Variants in LRRC28 observed in about 807,000 individuals in gnomAD.
LRRC28 encodes the protein leucine rich repeat containing 28.
In LRRC28, 39 loss-of-function variants were observed where a neutral mutation model predicts 45.7. The ratio of observed to expected loss-of-function variants is 0.85; its 90% CI spans 0.66 to 1.12. The LOEUF (loss-of-function observed/expected upper bound fraction) is 1.12. Among genes scored for constraint, LRRC28 ranks in the 50% most tolerant of loss-of-function variants. The pLI is 0.00. For synonymous variants in LRRC28, 206 were observed against 178.8 expected (o/e 1.15, Z -1.22); for missense variants, 435 against 438.5 (o/e 0.99, Z 0.07).
chr15:99,269,219 A>G (rs1351343893), intron 2 of LRRC28, among the ~76,000 whole-genome samples: 1 of 152,242 alleles, frequency 6.6e-6, no homozygotes, highest in African/African-American at 2.4e-5. Context: ...TAAGATGACA[A>G]TTTTAATTTC....
rs1955475256 is a variant in LRRC28, at chr15:99,313,162, A to G, written c.386-20761A>G. ...TTTAATAACAGACACAATACACTTTAAGACAAGAAATATTGGAACTAAACA... is the reference window on the plus strand; with the variant it reads ...TTTAATAACAGACACAATACACTTTGAGACAAGAAATATTGGAACTAAACA... On this transcript the variant is annotated intron_variant, in intron 5 of 9. Transcript: ENST00000301981. 2.6e-5 allele frequency among the ~76,000 whole-genome samples: 4 copies of G among 152,320 alleles called. No homozygotes were observed. The South Asian group carries it at 6.2e-4, about 24-fold the overall frequency.
In LRRC28 at chr15:99,363,089, T is replaced by A. The variant is rs200418571; in HGVS notation, c.872-17T>A. The A allele has an allele frequency of 1.5e-4, 242 of 1,594,186 alleles. 1 individual carries two copies. The African/African-American group carries it at 2.7e-3, about 18-fold the overall frequency. ...TGATTTTTTTACTCGTGTGCGTGAT[T>A]TTCTTTTGTGTTCCAGATTTGAACT... is the stretch of plus-strand genomic sequence containing the variant. On this transcript the variant is annotated splice_polypyrimidine_tract_variant and intron_variant, in intron 8 of 9. Coordinates refer to ENST00000301981, the MANE Select transcript of LRRC28 (RefSeq NM_144598.5).
At chr15:99,259,872 C>T (rs987433692) in intron 2 of LRRC28, 2 of 776,308 alleles carry the variant, frequency 2.6e-6, no homozygotes, top group Non-Finnish European at 4.7e-6. Flanking sequence ...TGAACACATC[C>T]TGATGCAAAG....
At position 99,387,386 on chromosome 15, in the gene LRRC28, CA is replaced by C. The variant is rs1252297718; in HGVS notation, c.*1287del. 2.0e-5 allele frequency: 3 copies of C among 152,256 alleles called. No individual in the cohort carries two copies. Among genetic ancestry groups the C allele is most frequent in the African/African-American group, 7.2e-5 (3 of 41,466 alleles). 9.4% of individuals were successfully genotyped at this position (152,256 alleles called of 1,614,324 possible). On this transcript the variant is annotated 3_prime_UTR_variant, in exon 10 of 10. Transcript: ENST00000301981. ...ACTACTGGTTTTTAACAGGATGATT[CA>C]AAGTACAGCCCGTGCACATTTACTT...
intron 5 of LRRC28, among the ~76,000 whole-genome samples, chr15:99,311,861 C>G (rs188798822): frequency 3.5e-4 from 54 of 152,176 alleles, no homozygotes; most frequent in Admixed American, 7.2e-4. Context: ...TTCTTAATTT[C>G]TTTTAAAAAA....
chr15:99,298,293 A>G (rs1170991996), intron 5 of LRRC28, among the ~76,000 whole-genome samples: 1 of 152,196 alleles, frequency 6.6e-6, no homozygotes, highest in Admixed American at 6.5e-5. Context: ...CAGTGATGAC[A>G]GCACTGAGGT....
intron 7 of LRRC28, among the ~76,000 whole-genome samples, chr15:99,357,675 C>A (rs1957084126): frequency 1.3e-5 from 2 of 151,984 alleles, no homozygotes; most frequent in Non-Finnish European, 2.9e-5. Context: ...GACTTGTGTA[C>A]TTTTCTATAT....
chr15:99,370,760 T>C (rs945189209), intron 9 of LRRC28, among the ~76,000 whole-genome samples: 1 of 152,138 alleles, frequency 6.6e-6, no homozygotes, highest in South Asian at 2.1e-4. Context: ...CAAGCAATTA[T>C]AGGTGTGAAT....
intron 5 of LRRC28, among the ~76,000 whole-genome samples, chr15:99,302,718 T>C (rs769668280): frequency 1.4e-4 from 22 of 152,260 alleles, no homozygotes; most frequent in Non-Finnish European, 2.4e-4. Flanking sequence ...GCCTGTTTAT[T>C]GCTAGCCTTT....
intron 5 of LRRC28, among the ~76,000 whole-genome samples, chr15:99,301,190 A>T (rs1480128972): frequency 6.6e-6 from 1 of 152,350 alleles, no homozygotes; most frequent in African/African-American, 2.4e-5. Flanking sequence ...TTATTTAGCA[A>T]TCTAAGAGTC....
At chr15:99,288,021 T>C in intron 5 of LRRC28, 70 bp downstream of exon 5, 3 of 1,399,904 alleles carry the variant, frequency 2.1e-6, no homozygotes, top group Non-Finnish European at 2.9e-6. Flanking sequence ...TCTCACTCTA[T>C]GTCTAGGCAA....
intron 5 of LRRC28, among the ~76,000 whole-genome samples, chr15:99,311,681 A>G (rs879295032): frequency 1.3e-5 from 2 of 152,230 alleles, no homozygotes; most frequent in Non-Finnish European, 2.9e-5. Flanking sequence ...AAAATTTTAA[A>G]GAGTACTCTA....
chr15:99,351,964 A>G (rs1798207359), intron 6 of LRRC28, among the ~76,000 whole-genome samples: 1 of 152,216 alleles, frequency 6.6e-6, no homozygotes, highest in Non-Finnish European at 1.5e-5. Context: ...TGGCAAGAAA[A>G]GGGATGACTG....
chr15:99,295,783 A>G (rs939083293), intron 5 of LRRC28, among the ~76,000 whole-genome samples: 2 of 152,262 alleles, frequency 1.3e-5, no homozygotes, highest in African/African-American at 4.8e-5. Flanking sequence ...TTAATGGCTG[A>G]AAGTATGCAC....
intron 6 of LRRC28, 122 bp downstream of exon 6, chr15:99,334,251 T>A (rs767999416): frequency 9.4e-6 from 11 of 1,167,864 alleles, no homozygotes; most frequent in Non-Finnish European, 1.3e-5. Flanking sequence ...CTTCTCTAAG[T>A]TTGTTTTTGC....
rs183995658 is a variant in LRRC28, at chr15:99,286,349, C to T, written c.210-908C>T. Among the ~76,000 whole-genome samples the T allele has an allele frequency of 5.1e-3, 775 of 152,208 alleles. 4 individuals are homozygous for T. The highest frequency in any genetic ancestry group is 7.1e-3 in the Non-Finnish European group (483 of 68,018). ...GTTTCACCTTGTTGCTCAGGCTGGT[C>T]GCGAACTCCTGAGGTCAGGCAATCC... On this transcript the variant is annotated intron_variant, in intron 3 of 9. Transcript: ENST00000301981.
At chr15:99,333,446 C>G (rs759815676) in intron 5 of LRRC28, among the ~76,000 whole-genome samples, 5 of 152,178 alleles carry the variant, frequency 3.3e-5, no homozygotes, top group East Asian at 1.9e-4. Context: ...ATTCTAATTT[C>G]TACTCCAGAA....
chr15:99,354,488 TG>T (rs1441807292), intron 7 of LRRC28, among the ~76,000 whole-genome samples: 1 of 152,100 alleles, frequency 6.6e-6, no homozygotes, highest in Non-Finnish European at 1.5e-5. Context: ...CACAAGGGCC[TG>T]GGGGAAATCT....
chr15:99,293,541 C>T (rs1456024703), intron 5 of LRRC28, among the ~76,000 whole-genome samples: 1 of 121,662 alleles, frequency 8.2e-6, no homozygotes, highest in African/African-American at 3.1e-5. Flanking sequence ...TGTGGTGAGC[C>T]GAGATCATGC....
Sources: allele counts gnomAD v4.1 joint callset (sites outside exome capture counted in the v4.1 genomes callset), GRCh38; gene constraint gnomAD v4.1.1; transcripts MANE v1.5; gene names NCBI Gene and HGNC (gene_info 2026-07-23, HGNC 2026-07-21).